The following QKI variants were observed in gnomAD, a reference collection of about 807,000 sequenced individuals.
The protein encoded by QKI is QKI, KH domain containing RNA binding.
A neutral mutation model predicts 39.0 loss-of-function variants in QKI; 10 were observed. That is an observed-to-expected ratio of 0.26 (90% CI 0.16 to 0.43). The LOEUF (loss-of-function observed/expected upper bound fraction) is 0.43. QKI is among the 20% of genes least tolerant of loss of function. The pLI, the probability that QKI is intolerant of heterozygous loss-of-function variation, is 1.00. For missense variants in QKI, 218 were observed against 428.0 expected (o/e 0.51, Z 4.33); for synonymous variants, 204 against 155.4 (o/e 1.31, Z -2.33).
intron 4 of QKI, among the ~76,000 whole-genome samples, chr6:163,535,839 T>G (rs1035246103): frequency 2.0e-5 from 3 of 151,866 alleles, no homozygotes; most frequent in Non-Finnish European, 2.9e-5. Context: ...GGCTGAGGCA[T>G]GAGAATCGCC....
chr6:163,561,035 T>C (rs1462215085), intron 4 of QKI, among the ~76,000 whole-genome samples: 1 of 152,222 alleles, frequency 6.6e-6, no homozygotes, highest in African/African-American at 2.4e-5. Context: ...ATAAATCATA[T>C]GGTGACCCTA....
chr6:163,456,219 C>A (rs1389605752), intron 2 of QKI, among the ~76,000 whole-genome samples: 1 of 152,196 alleles, frequency 6.6e-6, no homozygotes, highest in African/African-American at 2.4e-5. Context: ...TAAAAGCCAT[C>A]TATCTAGCTA....
intron 1 of QKI, among the ~76,000 whole-genome samples, chr6:163,448,982 C>G (rs1263552422): frequency 6.6e-6 from 1 of 152,054 alleles, no homozygotes; most frequent in Non-Finnish European, 1.5e-5. Context: ...CCAGCCACCT[C>G]TTTATGAAGT....
chr6:163,452,270 T>C (rs1278574051), intron 1 of QKI, among the ~76,000 whole-genome samples: 3 of 152,228 alleles, frequency 2.0e-5, no homozygotes, highest in African/African-American at 2.4e-5. Flanking sequence ...CAACAGTGAG[T>C]AAGATTTTTA....
At chr6:163,457,071 C>G (rs73784405) in intron 2 of QKI, among the ~76,000 whole-genome samples, 3,675 of 151,968 alleles carry the variant, frequency 0.024, 150 homozygotes, top group African/African-American at 0.084. Context: ...GGCAGCTGTT[C>G]CAATTGGGGT....
At chr6:163,453,671 G>A (rs1043746582) in intron 1 of QKI, among the ~76,000 whole-genome samples, 4 of 152,086 alleles carry the variant, frequency 2.6e-5, no homozygotes, top group Non-Finnish European at 1.5e-5. Context: ...AGTATAAAAA[G>A]AACCTTAGGA....
At chr6:163,477,096 A>T (rs1242428546) in intron 2 of QKI, among the ~76,000 whole-genome samples, 1 of 146,582 alleles carries the variant, frequency 6.8e-6, no homozygotes, top group African/African-American at 2.5e-5. Flanking sequence ...GCTCACGGCA[A>T]CCTCCACCTC....
At position 163,437,117 on chromosome 6, in the gene QKI, GC is replaced by G. The variant is rs1397806811; in HGVS notation, c.143-18160del. ...GGCAAGTTGAGAATTCAGAGGTAAA[GC>G]CTTTGTGAGAGAGATGATGTAGTTT... On this transcript the variant is annotated intron_variant, in intron 1 of 7. Coordinates refer to ENST00000361752, the MANE Select transcript of QKI (RefSeq NM_006775.3). 5.3e-5 allele frequency among the ~76,000 whole-genome samples: 8 copies of G among 152,286 alleles called. No homozygotes were observed. The East Asian group carries it at 1.5e-3, about 29-fold the overall frequency.
In QKI at chr6:163,566,509, G is replaced by C. The variant is rs180736008; in HGVS notation, c.935-212G>C. On this transcript the variant is annotated intron_variant, in intron 6 of 7. Coordinates refer to ENST00000361752, the MANE Select transcript of QKI (RefSeq NM_006775.3). ...TAAATGAATGGATACAATAGGTTAA[G>C]GCCCAAGATGTTTGAAATGAATGCA... 35 of 1,384,996 alleles carry C rather than the reference G, an allele frequency of 2.5e-5. No individual in the cohort carries two copies. The Admixed American group carries it at 1.1e-3, about 42-fold the overall frequency. The allele number at this position is 1,384,996 out of a possible 1,614,324, so 85.8% of individuals were successfully genotyped here. A position where few individuals can be genotyped will look rare whatever the true frequency, so the allele number is the denominator to read the frequency against.
At chr6:163,542,429 G>A (rs1364140716) in intron 4 of QKI, among the ~76,000 whole-genome samples, 1 of 151,988 alleles carries the variant, frequency 6.6e-6, no homozygotes, top group African/African-American at 2.4e-5. Flanking sequence ...GATTGAGAAA[G>A]TAGAGATGAG....
chr6:163,502,366 G>A (rs971825629), intron 3 of QKI, among the ~76,000 whole-genome samples: 2 of 151,926 alleles, frequency 1.3e-5, no homozygotes, highest in East Asian at 3.9e-4. Flanking sequence ...ATATATATAT[G>A]TATATTCTTA....
intron 1 of QKI, among the ~76,000 whole-genome samples, chr6:163,438,734 CAGTG>C (rs1345334027): frequency 6.6e-6 from 1 of 151,626 alleles, no homozygotes; most frequent in African/African-American, 2.4e-5. Context: ...CTCGGTGAGT[CAGTG>C]AGTGAGTGGT....
At chr6:163,507,633 G>A (rs1459440742) in intron 3 of QKI, among the ~76,000 whole-genome samples, 3 of 152,198 alleles carry the variant, frequency 2.0e-5, no homozygotes, top group Non-Finnish European at 2.9e-5. Flanking sequence ...GTAGACATAA[G>A]CATCTCATCT....
chr6:163,570,002 C>G (rs2128252680), intron 7 of QKI: 1 of 986,286 alleles, frequency 1.0e-6, no homozygotes, highest in African/African-American at 1.7e-5. Context: ...TGCAAAAGGC[C>G]TGGCCATTTT....
intron 3 of QKI, among the ~76,000 whole-genome samples, chr6:163,494,701 T>C (rs1015709910): frequency 6.6e-6 from 1 of 151,844 alleles, no homozygotes; most frequent in Non-Finnish European, 1.5e-5. Flanking sequence ...TTTTGTGTTT[T>C]TTGACTGTTT....
At chr6:163,416,297 T>C (rs1159126421) in intron 1 of QKI, 1 of 213,498 alleles carries the variant, frequency 4.7e-6, no homozygotes, top group Non-Finnish European at 9.7e-6. Flanking sequence ...TGGAATTTCC[T>C]TAAGAAGTTC....
chr6:163,517,539 T>G (rs1158845059), intron 3 of QKI, among the ~76,000 whole-genome samples: 2 of 151,960 alleles, frequency 1.3e-5, no homozygotes, highest in African/African-American at 4.8e-5. Context: ...TGCCTCAGCC[T>G]CCAAAGTAAC....
At chr6:163,442,439 G>C (rs1172504054) in intron 1 of QKI, among the ~76,000 whole-genome samples, 1 of 152,148 alleles carries the variant, frequency 6.6e-6, no homozygotes, top group Non-Finnish European at 1.5e-5. Flanking sequence ...TTTGAACAGA[G>C]GAGTGACATC....
intron 2 of QKI, among the ~76,000 whole-genome samples, chr6:163,458,379 A>C: frequency 6.6e-6 from 1 of 152,192 alleles, no homozygotes; most frequent in East Asian, 1.9e-4. Flanking sequence ...ATGTGTCACA[A>C]GCTCTATGAG....
Sources: allele counts gnomAD v4.1 joint callset (sites outside exome capture counted in the v4.1 genomes callset), GRCh38; gene constraint gnomAD v4.1.1; transcripts MANE v1.5; gene names NCBI Gene and HGNC (gene_info 2026-07-23, HGNC 2026-07-21).